AGBL4: variants seen among roughly 807,000 people sequenced by gnomAD.
The protein encoded by AGBL4 is AGBL carboxypeptidase 4.
A neutral mutation model predicts 66.4 loss-of-function variants in AGBL4; 58 were observed. The ratio of observed to expected loss-of-function variants is 0.87; its 90% confidence interval spans 0.71 to 1.09. AGBL4 has a LOEUF of 1.09. Among genes scored for constraint, AGBL4 ranks in the 50% least tolerant of loss-of-function variants. AGBL4 has a pLI of 0.00. For missense variants in AGBL4, 579 were observed against 631.0 expected (o/e 0.92, Z 0.88); for synonymous variants, 234 against 222.9 (o/e 1.05, Z -0.44).
At chr1:49,839,717 T>G (rs970455044) in intron 2 of AGBL4, among the ~76,000 whole-genome samples, 17 of 152,298 alleles carry the variant, frequency 1.1e-4, no homozygotes, top group African/African-American at 3.8e-4. Context: ...GGACCTTATA[T>G]AGGATAGAAG....
chr1:49,635,940 C>T (rs74078152), intron 3 of AGBL4, among the ~76,000 whole-genome samples: 2 of 152,074 alleles, frequency 1.3e-5, no homozygotes, highest in African/African-American at 4.8e-5. Context: ...CTATTTACAG[C>T]AACTAAAAAT....
intron 3 of AGBL4, among the ~76,000 whole-genome samples, chr1:49,346,813 T>A (rs1645641195): frequency 6.6e-6 from 1 of 152,218 alleles, no homozygotes; most frequent in Non-Finnish European, 1.5e-5. Flanking sequence ...GGGAAATATG[T>A]CAGAGGCTTT....
intron 6 of AGBL4, among the ~76,000 whole-genome samples, chr1:48,864,493 A>T (rs1368647535): frequency 6.6e-6 from 1 of 152,222 alleles, no homozygotes; most frequent in Non-Finnish European, 1.5e-5. Context: ...CATTATTTGC[A>T]ATTGCAAGTG....
chr1:48,700,892 G>A (rs906496927), intron 6 of AGBL4, among the ~76,000 whole-genome samples: 3 of 152,286 alleles, frequency 2.0e-5, no homozygotes, highest in East Asian at 3.9e-4. Flanking sequence ...TTCAAAGCCA[G>A]GTTTGTCTGA....
intron 3 of AGBL4, among the ~76,000 whole-genome samples, chr1:49,406,982 G>A (rs1645214715): frequency 4.2e-5 from 6 of 143,488 alleles, no homozygotes; most frequent in South Asian, 4.5e-4. Context: ...GGAGAATGGC[G>A]TAAACCCGGG....
intron 3 of AGBL4, among the ~76,000 whole-genome samples, chr1:49,561,914 A>T (rs566383912): frequency 1.7e-4 from 26 of 152,196 alleles, no homozygotes; most frequent in African/African-American, 5.3e-4. Context: ...ACTAGTTTAC[A>T]GTCCCACCAA....
intron 2 of AGBL4, among the ~76,000 whole-genome samples, chr1:49,727,034 A>G (rs1649083877): frequency 6.6e-6 from 1 of 152,154 alleles, no homozygotes; most frequent in Admixed American, 6.5e-5. Context: ...TGATCCTCTT[A>G]GAGAAAAGTA....
intron 6 of AGBL4, among the ~76,000 whole-genome samples, chr1:48,790,676 G>A (rs2148729538): frequency 6.6e-6 from 1 of 152,312 alleles, no homozygotes; most frequent in Middle Eastern, 3.4e-3. Flanking sequence ...AAGTACAACA[G>A]TGTAGAGAGG....
chr1:49,415,851 A>C (rs746178391), intron 3 of AGBL4, among the ~76,000 whole-genome samples: 1 of 152,084 alleles, frequency 6.6e-6, no homozygotes. Context: ...TCAGAAGTAG[A>C]ATCAACATTC....
At chr1:49,889,741 A>G (rs1231862904) in intron 1 of AGBL4, among the ~76,000 whole-genome samples, 1 of 152,130 alleles carries the variant, frequency 6.6e-6, no homozygotes, top group East Asian at 1.9e-4. Context: ...TAGGTGACAC[A>G]GTGAGGCTCC....
At chr1:49,078,826 A>G (rs1040966762) in intron 4 of AGBL4, among the ~76,000 whole-genome samples, 1 of 152,176 alleles carries the variant, frequency 6.6e-6, no homozygotes, top group African/African-American at 2.4e-5. Flanking sequence ...TTCTATTCCT[A>G]GCAGCCAAAG....
Position 49,851,395 on chromosome 1 carries a change from C to A in AGBL4, c.157+1G>T, listed in dbSNP as rs1175081116. 6.5e-7 allele frequency: 1 copy of A among 1,546,538 alleles called. No homozygotes were observed. The highest frequency in any genetic ancestry group is 8.7e-7 in the Non-Finnish European group (1 of 1,144,888). On this transcript the variant is annotated splice_donor_variant, in intron 2 of 13. Transcript: ENST00000371839. LOFTEE classifies it high-confidence loss of function. The stretch of plus-strand genomic sequence containing the variant: ...AAAGGAAAAGCCTTTAATATACTTA[C>A]CACTTTCAAAGCAAGCATCAAAGAT...
intron 3 of AGBL4, among the ~76,000 whole-genome samples, chr1:49,524,116 A>G (rs573605457): frequency 1.3e-5 from 2 of 152,076 alleles, no homozygotes; most frequent in African/African-American, 4.8e-5. Context: ...TTATATCACC[A>G]CCTACCTCCT....
At chr1:48,705,251 G>C (rs189694307) in intron 6 of AGBL4, among the ~76,000 whole-genome samples, 1 of 151,856 alleles carries the variant, frequency 6.6e-6, no homozygotes, top group Non-Finnish European at 1.5e-5. Flanking sequence ...AAAACATTAA[G>C]AGCAAAAAAT....
chr1:48,844,464 T>C (rs1646869697), intron 6 of AGBL4, among the ~76,000 whole-genome samples: 1 of 152,266 alleles, frequency 6.6e-6, no homozygotes, highest in Non-Finnish European at 1.5e-5. Flanking sequence ...CAGTGATTAC[T>C]ATGTTCTTGA....
intron 3 of AGBL4, among the ~76,000 whole-genome samples, chr1:49,371,286 T>TACATACAC (rs1491563540): frequency 1.9e-3 from 273 of 145,774 alleles, no homozygotes; most frequent in African/African-American, 6.4e-3. Context: ...CATACATACA[T>TACATACAC]ACACACACAC....
intron 1 of AGBL4, among the ~76,000 whole-genome samples, chr1:49,926,604 C>T (rs1652803369): frequency 6.6e-6 from 1 of 152,110 alleles, no homozygotes; most frequent in Non-Finnish European, 1.5e-5. Flanking sequence ...ACCTTTCAGA[C>T]AGAGAATTAA....
At chr1:49,745,464 T>C (rs1213940635) in intron 2 of AGBL4, among the ~76,000 whole-genome samples, 3 of 152,048 alleles carry the variant, frequency 2.0e-5, no homozygotes, top group Admixed American at 6.6e-5. Context: ...TAAGTCTATA[T>C]GTATAAGAGA....
chr1:48,787,515 A>G (rs12071587), intron 6 of AGBL4, among the ~76,000 whole-genome samples: 144,899 of 152,262 alleles, frequency 0.95, 69,328 homozygotes, highest in East Asian at 1. Context: ...TATTAATGTC[A>G]ACCAATATAA....
Sources: gnomAD v4.1 joint callset for allele counts (sites outside exome capture counted in the v4.1 genomes callset) on GRCh38, gnomAD v4.1.1 for gene constraint, MANE v1.5 for transcripts, NCBI Gene and HGNC (gene_info 2026-07-23, HGNC 2026-07-21) for gene names.